The following NSDHL variants were observed in gnomAD, a reference collection of about 807,000 sequenced individuals.
The protein encoded by NSDHL is sterol-4-alpha-carboxylate 3-dehydrogenase, decarboxylating.
In NSDHL, 1 loss-of-function variant was observed where a neutral mutation model predicts 23.0. The ratio of observed to expected loss-of-function variants is 0.04; its 90% confidence interval spans 0.02 to 0.21. The LOEUF (loss-of-function observed/expected upper bound fraction) is 0.21, where lower values mean the gene tolerates loss of function less well. Ranked by LOEUF, NSDHL falls within the 10% of genes least tolerant of loss-of-function variation. The pLI is 1.00. For synonymous variants in NSDHL, 128 were observed against 121.1 expected, an observed-to-expected ratio of 1.06 and a Z score of -0.37; for missense variants, 237 against 300.9, an observed-to-expected ratio of 0.79 and a Z score of 1.57.
intron 1 of NSDHL, among the ~76,000 whole-genome samples, chrX:152,838,718 C>T (rs146888478): frequency 0.026 from 2,890 of 111,620 alleles, 85 homozygotes; most frequent in African/African-American, 0.089. Flanking sequence ...TTACTTCCAA[C>T]TATGTGGTCA....
intron 4 of NSDHL, among the ~76,000 whole-genome samples, chrX:152,859,179 G>A (rs1383893033): frequency 8.9e-6 from 1 of 112,065 alleles, no homozygotes; most frequent in African/African-American, 3.2e-5. Context: ...TTAAAGAGCT[G>A]CAGAACTTAG....
intron 3 of NSDHL, 63 bp from the exon 4 acceptor site, chrX:152,858,707 C>T: frequency 9.3e-7 from 1 of 1,078,346 alleles, no homozygotes; most frequent in South Asian, 1.9e-5. Context: ...AGGGTGAAAA[C>T]ATGAGAATGC....
intron 5 of NSDHL, among the ~76,000 whole-genome samples, chrX:152,863,908 AT>A (rs782469554): frequency 4.1e-3 from 407 of 98,128 alleles, no homozygotes; most frequent in Admixed American, 7.9e-3. Context: ...TGTTTGCCGT[AT>A]TTTTTTTTTT....
intron 4 of NSDHL, among the ~76,000 whole-genome samples, chrX:152,860,138 G>T (rs1433327787): frequency 8.9e-6 from 1 of 112,448 alleles, no homozygotes; most frequent in Middle Eastern, 4.2e-3. Flanking sequence ...TCCTCAGCCG[G>T]CCCAGCAGGG....
chrX:152,869,307 CTGGATT>C lies in NSDHL; in HGVS notation c.*199_*204del. 2.1e-6 allele frequency: 1 copy of C among 477,146 alleles called. No homozygotes were observed. The highest frequency in any genetic ancestry group is 3.8e-6 in the Non-Finnish European group (1 of 266,652). The allele number at this position is 477,146 out of a possible 1,213,427, so 39.3% of individuals were successfully genotyped here. ...AACAGACATTTCTTCCTTCATGGAA[CTGGATT>C]TGGATTTCTTGAAGCAGGCAGCTTC... On this transcript the variant is annotated 3_prime_UTR_variant, in exon 8 of 8. Transcript: ENST00000370274.
At chrX:152,836,018 A>G (rs1437880118) in intron 1 of NSDHL, among the ~76,000 whole-genome samples, 1 of 112,040 alleles carries the variant, frequency 8.9e-6, no homozygotes, top group African/African-American at 3.3e-5. Flanking sequence ...ATGGTATCTC[A>G]TTGTGGTTTT....
chrX:152,862,301 G>A (rs1422364472), intron 4 of NSDHL, among the ~76,000 whole-genome samples: 1 of 112,066 alleles, frequency 8.9e-6, no homozygotes, highest in African/African-American at 3.2e-5. Context: ...CTATCTCTCA[G>A]GTGTGATGGG....
intron 2 of NSDHL, among the ~76,000 whole-genome samples, chrX:152,848,792 G>A (rs2125008144): frequency 8.9e-6 from 1 of 112,248 alleles, no homozygotes; most frequent in Non-Finnish European, 1.9e-5. Context: ...CAGTTTGCCT[G>A]TACAGCTGAC....
intron 5 of NSDHL, 93 bp from the exon 6 acceptor site, chrX:152,865,726 C>G: frequency 2.8e-6 from 3 of 1,075,820 alleles, no homozygotes; most frequent in Non-Finnish European, 3.9e-6. Flanking sequence ...CTGTCTGTCC[C>G]CCACGAGTGG....
At chrX:152,838,989 A>G (rs112187409) in intron 1 of NSDHL, among the ~76,000 whole-genome samples, 19 of 111,991 alleles carry the variant, frequency 1.7e-4, no homozygotes, top group Non-Finnish European at 3.0e-4. Flanking sequence ...CTCCTGTATT[A>G]GGTGCATATA....
At chrX:152,860,469 G>A (rs1053893231) in intron 4 of NSDHL, among the ~76,000 whole-genome samples, 11 of 111,360 alleles carry the variant, frequency 9.9e-5, no homozygotes, top group Non-Finnish European at 1.5e-4. Context: ...TAATCCCAGC[G>A]CTTTGGGAGG....
intron 3 of NSDHL, among the ~76,000 whole-genome samples, chrX:152,854,996 CTTT>C (rs138412629): frequency 1.0e-5 from 1 of 98,801 alleles, no homozygotes. Flanking sequence ...TTACATAACA[CTTT>C]TTTTTTTTTT....
chrX:152,859,432 A>G (rs1933494009), intron 4 of NSDHL, among the ~76,000 whole-genome samples: 1 of 111,600 alleles, frequency 9.0e-6, no homozygotes, highest in Non-Finnish European at 1.9e-5. Context: ...TTCTGTCTCT[A>G]TGGGTTTGAC....
At chrX:152,857,938 G>A (rs1441333668) in intron 3 of NSDHL, among the ~76,000 whole-genome samples, 2 of 112,330 alleles carry the variant, frequency 1.8e-5, no homozygotes, top group Non-Finnish European at 3.8e-5. Flanking sequence ...GTCTTTTGGT[G>A]ACAAACATGA....
chrX:152,867,942 C>G (rs782346661), intron 7 of NSDHL, among the ~76,000 whole-genome samples: 1 of 110,728 alleles, frequency 9.0e-6, no homozygotes, highest in African/African-American at 3.3e-5. Context: ...ACCTGGCTGC[C>G]CACCTGTTGG....
intron 3 of NSDHL, among the ~76,000 whole-genome samples, chrX:152,855,081 A>G (rs1556846804): frequency 2.9e-5 from 3 of 103,266 alleles, no homozygotes; most frequent in African/African-American, 7.2e-5. Context: ...TGCAAACTCT[A>G]CCTCCTGGGT....
intron 1 of NSDHL, among the ~76,000 whole-genome samples, chrX:152,836,201 A>T (rs1331598935): frequency 1.8e-5 from 2 of 112,309 alleles, no homozygotes; most frequent in African/African-American, 6.5e-5. Flanking sequence ...TCTGGATATT[A>T]GCCCTTTGTC....
chrX:152,831,126 C>G lies in NSDHL; in HGVS notation c.-44+9C>G. On this transcript the variant is annotated intron_variant, in intron 1 of 7. Transcript: ENST00000370274. Reference sequence around the variant, plus strand: ...GGGGCGCCTACGGACGGGTAAGAGTCGTGGCCTTGCCATTGGAGGTCACCC... The same window carrying G: ...GGGGCGCCTACGGACGGGTAAGAGTGGTGGCCTTGCCATTGGAGGTCACCC... The G allele has an allele frequency of 4.2e-6, 1 of 237,291 alleles. No homozygotes were observed. The allele number at this position is 237,291 out of a possible 1,213,427, so 19.6% of individuals were successfully genotyped here.
intron 3 of NSDHL, among the ~76,000 whole-genome samples, chrX:152,854,639 G>C (rs1289315930): frequency 9.2e-6 from 1 of 109,063 alleles, no homozygotes; most frequent in Non-Finnish European, 1.9e-5. Flanking sequence ...TGAACTCCTT[G>C]TATCAGGTGA....
Sources: allele counts gnomAD v4.1 joint callset (sites outside exome capture counted in the v4.1 genomes callset), GRCh38; gene constraint gnomAD v4.1.1; transcripts MANE v1.5; gene names NCBI Gene and HGNC (gene_info 2026-07-23, HGNC 2026-07-21).